The following HADH variants were observed in gnomAD, a reference collection of about 807,000 sequenced individuals.
HADH encodes hydroxyacyl-CoA dehydrogenase, also known as hydroxyacyl-coenzyme A dehydrogenase, mitochondrial.
A neutral mutation model predicts 32.2 loss-of-function variants in HADH; 24 were observed. That is an observed-to-expected ratio of 0.75 (90% CI 0.54 to 1.05). The LOEUF (loss-of-function observed/expected upper bound fraction) is 1.05, where lower values mean the gene tolerates loss of function less well. Among genes scored for constraint, HADH ranks in the 50% least tolerant of loss-of-function variants. The pLI is 0.00. For missense variants in HADH, 350 were observed against 397.1 expected, an observed-to-expected ratio of 0.88 and a Z score of 1.01; for synonymous variants, 139 against 152.5, an observed-to-expected ratio of 0.91 and a Z score of 0.65.
In HADH at chr4:107,990,060, C is replaced by G. The variant is rs769224699; in HGVS notation, c.128C>G (p.Ala43Gly). ...IGGGLMGAGI[A>G]QVAAATGHTV... ...GGCGGGCTGATGGGCGCCGGCATTG[C>G]CCAGGTGAGCGGCCCTCCCTGCAGC... is the stretch of plus-strand genomic sequence containing the variant. The change falls in exon 1 of 8, where the codon GCC (alanine) becomes GGC (glycine). Residue 43 changes from alanine to glycine, a missense_variant. Physicochemically the swap from Ala to Gly is moderately conservative, Grantham distance 60. Coordinates refer to ENST00000309522, the MANE Select transcript of HADH (RefSeq NM_005327.7). The G allele has an allele frequency of 6.2e-7, 1 of 1,608,716 alleles. No homozygotes were observed. Among genetic ancestry groups the G allele is most frequent in the African/African-American group, 1.3e-5 (1 of 74,852 alleles).
chr4:107,992,149 A>C (rs1227185868), intron 1 of HADH, among the ~76,000 whole-genome samples: 1 of 152,208 alleles, frequency 6.6e-6, no homozygotes, highest in African/African-American at 2.4e-5. Context: ...TGTGCTTGTC[A>C]ATCAAACTCT....
At chr4:107,996,640 T>C (rs1293195494) in intron 1 of HADH, among the ~76,000 whole-genome samples, 1 of 152,240 alleles carries the variant, frequency 6.6e-6, no homozygotes, top group African/African-American at 2.4e-5. Context: ...ACGCCTGTAA[T>C]CCCATCACTT....
intron 2 of HADH, among the ~76,000 whole-genome samples, chr4:108,013,434 C>G (rs1735574737): frequency 6.6e-6 from 1 of 151,976 alleles, no homozygotes; most frequent in Non-Finnish European, 1.5e-5. Context: ...TGAGCCACAC[C>G]CTAAAGATAA....
intron 1 of HADH, among the ~76,000 whole-genome samples, chr4:107,999,776 T>C (rs760393728): frequency 6.6e-6 from 1 of 152,174 alleles, no homozygotes; most frequent in Non-Finnish European, 1.5e-5. Flanking sequence ...GAAATACAGG[T>C]ATGAACAACT....
chr4:108,003,105 C>CTT (rs11390276), intron 1 of HADH, among the ~76,000 whole-genome samples: 7,149 of 124,086 alleles, frequency 0.058, 368 homozygotes, highest in African/African-American at 0.11. Context: ...GTGTCTTAGT[C>CTT]TTTTTTTTTT....
At chr4:107,990,963 A>C (rs976803602) in intron 1 of HADH, among the ~76,000 whole-genome samples, 1 of 152,058 alleles carries the variant, frequency 6.6e-6, no homozygotes, top group African/African-American at 2.4e-5. Flanking sequence ...GCTGATCTCG[A>C]ACTCCTGACC....
chr4:108,003,869 C>T (rs1560725144), intron 1 of HADH, among the ~76,000 whole-genome samples: 1 of 151,750 alleles, frequency 6.6e-6, no homozygotes, highest in African/African-American at 2.4e-5. Flanking sequence ...CCAGGCACCA[C>T]TGCAGGTTTT....
intron 1 of HADH, among the ~76,000 whole-genome samples, chr4:107,993,536 C>T (rs1734873470): frequency 6.6e-6 from 1 of 152,146 alleles, no homozygotes; most frequent in Admixed American, 6.6e-5. Context: ...TCATTTTAAA[C>T]ACGTCAGTTT....
intron 1 of HADH, among the ~76,000 whole-genome samples, chr4:108,002,202 C>T (rs974735415): frequency 3.3e-5 from 5 of 152,156 alleles, no homozygotes; most frequent in Non-Finnish European, 5.9e-5. Flanking sequence ...CATTAGGAAC[C>T]GGGCCACATA....
intron 1 of HADH, among the ~76,000 whole-genome samples, chr4:107,991,037 A>T (rs1192258782): frequency 2.0e-5 from 3 of 152,174 alleles, no homozygotes; most frequent in Admixed American, 2.0e-4. Context: ...CACTGCACCC[A>T]GCCGGAACAA....
chr4:108,009,212 G>A (rs535273633), intron 1 of HADH, among the ~76,000 whole-genome samples: 1 of 152,264 alleles, frequency 6.6e-6, no homozygotes, highest in Non-Finnish European at 1.5e-5. Context: ...AAGAGAGAAG[G>A]GCCAAGAGGC....
chr4:108,021,057 C>T (rs1377695848), intron 4 of HADH, among the ~76,000 whole-genome samples: 10 of 151,930 alleles, frequency 6.6e-5, no homozygotes, highest in Admixed American at 6.5e-4. Context: ...TTTCTCCTAT[C>T]CCCTAAGGCT....
rs732940 is a variant in HADH at position 108,023,914 on chromosome 4, C to A, written c.636+351C>A. The A allele has an allele frequency of 0.89, 212,404 of 239,732 alleles. 95,172 individuals are homozygous for A. Among genetic ancestry groups the A allele is most frequent in the East Asian group, 0.97 (11,254 of 11,566 alleles). 14.9% of individuals were successfully genotyped at this position (239,732 alleles called of 1,614,324 possible). On this transcript the variant is annotated intron_variant, in intron 5 of 7. Coordinates refer to ENST00000309522, the MANE Select transcript of HADH (RefSeq NM_005327.7). ...TAGGTACAGCTTGGTAAACACATAC[C>A]TCCCTAACAGAAAATGAGGGCTTTA...
intron 3 of HADH, among the ~76,000 whole-genome samples, chr4:108,015,462 A>G (rs1214143916): frequency 1.3e-5 from 2 of 152,182 alleles, no homozygotes; most frequent in African/African-American, 4.8e-5. Context: ...ACCCCTGGAC[A>G]TTCTTGACAG....
chr4:108,022,193 G>A (rs59774905), intron 4 of HADH, among the ~76,000 whole-genome samples: 70 of 137,190 alleles, frequency 5.1e-4, no homozygotes, highest in East Asian at 4.1e-3. Context: ...GTGTGTATGT[G>A]TGTGTGTATG....
chr4:108,005,034 A>G (rs1391671744), intron 1 of HADH: 5 of 665,628 alleles, frequency 7.5e-6, no homozygotes, highest in Non-Finnish European at 1.2e-5. Flanking sequence ...CTCACCATAT[A>G]TACCTTCTTT....
chr4:108,011,299 T>A (rs1485372787), intron 2 of HADH, among the ~76,000 whole-genome samples: 1 of 152,176 alleles, frequency 6.6e-6, no homozygotes, highest in East Asian at 1.9e-4. Context: ...ACTGGGTAAT[T>A]TATAAAGGAA....
Position 108,000,141 on chromosome 4 carries a change from G to A in HADH, c.133-9618G>A, listed in dbSNP as rs78345005. Reference sequence around the variant, plus strand: ...GATGATGCAACAGCACTTTTGAAAGGTCTCTCCGTACTATCTTGATTTCAT... The same window carrying A: ...GATGATGCAACAGCACTTTTGAAAGATCTCTCCGTACTATCTTGATTTCAT... On this transcript the variant is annotated intron_variant, in intron 1 of 7. Coordinates refer to ENST00000309522, the MANE Select transcript of HADH (RefSeq NM_005327.7). Among the ~76,000 whole-genome samples the A allele has an allele frequency of 1.4e-3, 208 of 152,288 alleles. 1 individual carries two copies. Among genetic ancestry groups the A allele is most frequent in the African/African-American group, 4.6e-3 (192 of 41,548 alleles).
At chr4:108,021,650 A>G (rs951662117) in intron 4 of HADH, among the ~76,000 whole-genome samples, 1 of 152,226 alleles carries the variant, frequency 6.6e-6, no homozygotes, top group Non-Finnish European at 1.5e-5. Context: ...AAAAAGAAAC[A>G]AACCTTCACT....
Sources: gnomAD v4.1 joint callset for allele counts (sites outside exome capture counted in the v4.1 genomes callset) on GRCh38, gnomAD v4.1.1 for gene constraint, MANE v1.5 for transcripts, NCBI Gene and HGNC (gene_info 2026-07-23, HGNC 2026-07-21) for gene names.